Variants in PRKCE observed in about 807,000 individuals in gnomAD.
PRKCE encodes protein kinase C epsilon type.
PRKCE carries 16 observed loss-of-function variants against 85.4 expected under a neutral mutation model. The observed-to-expected ratio is 0.19, with a 90% CI of 0.13 to 0.28. The LOEUF (loss-of-function observed/expected upper bound fraction) is 0.28. Ranked by LOEUF, PRKCE falls within the 10% of genes least tolerant of loss-of-function variation. The pLI is 1.00. For missense variants in PRKCE, 573 were observed against 975.2 expected (o/e 0.59, Z 5.49); for synonymous variants, 388 against 371.5 (o/e 1.04, Z -0.51).
intron 1 of PRKCE, among the ~76,000 whole-genome samples, chr2:45,695,230 G>A (rs1294989070): frequency 4.6e-5 from 7 of 152,098 alleles, no homozygotes; most frequent in Non-Finnish European, 1.0e-4. Flanking sequence ...CTTCCCCTTA[G>A]CCTCTAAGGA....
At chr2:45,881,140 G>C (rs534816088) in intron 2 of PRKCE, among the ~76,000 whole-genome samples, 33 of 134,054 alleles carry the variant, frequency 2.5e-4, no homozygotes, top group African/African-American at 8.7e-4. Flanking sequence ...GCGACAGAGC[G>C]AGACTCCGTC....
At chr2:46,045,103 C>T (rs1031397452) in intron 10 of PRKCE, among the ~76,000 whole-genome samples, 4 of 152,168 alleles carry the variant, frequency 2.6e-5, no homozygotes, top group African/African-American at 9.7e-5. Context: ...AGTGTGTCTC[C>T]ATGGGCATTT....
chr2:46,103,489 C>T (rs1454955876), intron 11 of PRKCE, among the ~76,000 whole-genome samples: 3 of 152,166 alleles, frequency 2.0e-5, no homozygotes, highest in Non-Finnish European at 4.4e-5. Context: ...CATGAATACA[C>T]ACATACACAT....
chr2:45,953,569 G>T lies in PRKCE; in HGVS notation c.413-22860G>T, dbSNP rs982091112. ...ACATTGAACCCAAAACACTCATTCA[G>T]TGTCACTGCTGAGTCAGAAAGTCAC... On this transcript the variant is annotated intron_variant, in intron 2 of 14. Transcript: ENST00000306156. 2.6e-5 allele frequency among the ~76,000 whole-genome samples: 4 copies of T among 152,316 alleles called. No individual in the cohort carries two copies. In the South Asian group the frequency reaches 8.3e-4, roughly 32 times the overall value.
chr2:46,099,565 TGTTA>T (rs763829773), intron 11 of PRKCE, among the ~76,000 whole-genome samples: 1 of 152,062 alleles, frequency 6.6e-6, no homozygotes. Context: ...TTTTCCTGGC[TGTTA>T]GTTATTTCTT....
intron 1 of PRKCE, among the ~76,000 whole-genome samples, chr2:45,745,350 C>T (rs975066173): frequency 6.6e-6 from 1 of 152,136 alleles, no homozygotes; most frequent in Non-Finnish European, 1.5e-5. Context: ...CAGAACTTTG[C>T]CTGGAACTTA....
intron 1 of PRKCE, among the ~76,000 whole-genome samples, chr2:45,838,584 C>T (rs1464507540): frequency 6.6e-6 from 1 of 152,016 alleles, no homozygotes; most frequent in Non-Finnish European, 1.5e-5. Flanking sequence ...GCATACAATA[C>T]TCTTACCTTG....
At chr2:46,141,698 A>G (rs1204843659) in intron 11 of PRKCE, among the ~76,000 whole-genome samples, 6 of 147,872 alleles carry the variant, frequency 4.1e-5, no homozygotes, top group Non-Finnish European at 9.0e-5. Context: ...CTATTAAAAA[A>G]AGACCCCCCT....
intron 2 of PRKCE, among the ~76,000 whole-genome samples, chr2:45,880,905 G>A (rs991270814): frequency 3.3e-5 from 5 of 152,148 alleles, no homozygotes; most frequent in African/African-American, 1.2e-4. Context: ...TGTAATCCCA[G>A]CACTTTGGGA....
In PRKCE at chr2:46,042,918, A is replaced by G. The variant is rs143859236; in HGVS notation, c.1437+32401A>G. Reference sequence around the variant, plus strand: ...GGTGTAGCATTTTTACTAGAAGAAGAAAGTTTCAGAAACCACATTGGCCTC... The same window carrying G: ...GGTGTAGCATTTTTACTAGAAGAAGGAAGTTTCAGAAACCACATTGGCCTC... On this transcript the variant is annotated intron_variant, in intron 10 of 14. Coordinates refer to ENST00000306156, the MANE Select transcript of PRKCE (RefSeq NM_005400.3). 4.6e-5 allele frequency among the ~76,000 whole-genome samples: 7 copies of G among 152,320 alleles called. No individual in the cohort carries two copies. The East Asian group carries it at 1.4e-3, about 29-fold the overall frequency.
At chr2:45,769,162 C>G (rs1685124840) in intron 1 of PRKCE, among the ~76,000 whole-genome samples, 1 of 152,188 alleles carries the variant, frequency 6.6e-6, no homozygotes, top group Non-Finnish European at 1.5e-5. Context: ...TGGGTTTGTT[C>G]TGTGTGGGAG....
At chr2:45,884,708 A>ACCTT (rs1199940025) in intron 2 of PRKCE, among the ~76,000 whole-genome samples, 1 of 151,962 alleles carries the variant, frequency 6.6e-6, no homozygotes, top group Non-Finnish European at 1.5e-5. Context: ...TCTTAAAGTG[A>ACCTT]TTTTTAAAAC....
intron 11 of PRKCE, among the ~76,000 whole-genome samples, chr2:46,097,139 C>A (rs1162174269): frequency 6.6e-6 from 1 of 151,946 alleles, no homozygotes; most frequent in Non-Finnish European, 1.5e-5. Context: ...ACTTTGGGAC[C>A]CAGGGACAGG....
chr2:45,651,587 T>A (rs1290873009), upstream of PRKCE: 1 of 154,574 alleles, frequency 6.5e-6, no homozygotes, highest in Non-Finnish European at 1.4e-5. Context: ...AGGCAGGCGC[T>A]GAGTGTGCGA....
chr2:45,727,726 C>T lies in PRKCE; in HGVS notation c.348+75278C>T, dbSNP rs1321736327. Among the ~76,000 whole-genome samples, 3 of 152,164 alleles carry T rather than the reference C, an allele frequency of 2.0e-5. No individual in the cohort carries two copies. In the East Asian group the frequency reaches 5.8e-4, roughly 29 times the overall value. The stretch of plus-strand genomic sequence containing the variant: ...CTAGAGTGCAGTGGTGCGATCTCGG[C>T]TCACTGTAACCGCTGGCTCCTGGGT... On this transcript the variant is annotated intron_variant, in intron 1 of 14. Transcript: ENST00000306156.
At chr2:45,918,750 C>G (rs543108406) in intron 2 of PRKCE, among the ~76,000 whole-genome samples, 1 of 152,116 alleles carries the variant, frequency 6.6e-6, no homozygotes, top group Admixed American at 6.5e-5. Context: ...GGCTGAGGCA[C>G]CGCAGGGCTG....
chr2:46,177,279 T>A (rs527986087), intron 14 of PRKCE, among the ~76,000 whole-genome samples: 34 of 152,322 alleles, frequency 2.2e-4, no homozygotes, highest in African/African-American at 7.0e-4. Flanking sequence ...AAAATTTTTT[T>A]AAATCAATTT....
chr2:45,991,064 C>T (rs1282574966), intron 6 of PRKCE, among the ~76,000 whole-genome samples: 10 of 151,016 alleles, frequency 6.6e-5, no homozygotes, highest in East Asian at 5.8e-4. Flanking sequence ...TGGAGTGCAG[C>T]GGTGCAATCT....
chr2:45,767,654 A>G (rs1685016773), intron 1 of PRKCE, among the ~76,000 whole-genome samples: 1 of 152,226 alleles, frequency 6.6e-6, no homozygotes, highest in Admixed American at 6.5e-5. Flanking sequence ...ATTAAGGATC[A>G]AAGGAACGGC....
Sources: gnomAD v4.1 joint callset for allele counts (sites outside exome capture counted in the v4.1 genomes callset) on GRCh38, gnomAD v4.1.1 for gene constraint, MANE v1.5 for transcripts, NCBI Gene and HGNC (gene_info 2026-07-23, HGNC 2026-07-21) for gene names.